WDR20: variants seen among roughly 807,000 people sequenced by gnomAD.
WDR20 encodes WD repeat-containing protein 20.
A neutral mutation model predicts 38.7 loss-of-function variants in WDR20; 3 were observed. The ratio of observed to expected loss-of-function variants is 0.08; its 90% confidence interval spans 0.04 to 0.20. The LOEUF is 0.20. Among genes scored for constraint, WDR20 ranks in the 10% least tolerant of loss-of-function variants. The pLI, the probability that WDR20 is intolerant of heterozygous loss-of-function variation, is 1.00. For missense variants in WDR20, 559 were observed against 727.7 expected (o/e 0.77, Z 2.67); for synonymous variants, 298 against 285.6 (o/e 1.04, Z -0.44).
chr14:102,195,248 G>A, intron 2 of WDR20, 128 bp downstream of exon 2: 1 of 951,124 alleles, frequency 1.1e-6, no homozygotes, highest in Non-Finnish European at 1.5e-6. Flanking sequence ...CTCCTACCTA[G>A]TATGCCCAAG....
downstream of WDR20, among the ~76,000 whole-genome samples, chr14:102,216,256 G>A (rs1352627222): frequency 6.6e-6 from 1 of 152,178 alleles, no homozygotes; most frequent in African/African-American, 2.4e-5. Context: ...CGGCCTCCTG[G>A]GGCCTACGAC....
At chr14:102,160,090 C>T (rs934218521) in intron 1 of WDR20, among the ~76,000 whole-genome samples, 2 of 152,096 alleles carry the variant, frequency 1.3e-5, no homozygotes, top group Non-Finnish European at 2.9e-5. Context: ...AGTAACAGAG[C>T]GAAACCCTGT....
chr14:102,154,039 C>T (rs892977293), intron 1 of WDR20, among the ~76,000 whole-genome samples: 16 of 152,150 alleles, frequency 1.1e-4, no homozygotes, highest in Non-Finnish European at 1.5e-4. Flanking sequence ...TGTGGTAGCA[C>T]GCACCTGTAG....
At chr14:102,218,867 C>G (rs913868705), downstream of WDR20, among the ~76,000 whole-genome samples, 1 of 152,206 alleles carries the variant, frequency 6.6e-6, no homozygotes, top group African/African-American at 2.4e-5. Context: ...GGTGCACAGC[C>G]CAGCAGCTCC....
intron 1 of WDR20, among the ~76,000 whole-genome samples, chr14:102,142,774 C>CTGTTTT (rs1193456475): frequency 2.0e-4 from 17 of 85,020 alleles, no homozygotes; most frequent in African/African-American, 5.2e-4. Context: ...GCTGTTTTGA[C>CTGTTTT]TTTTTTTTTT....
intron 1 of WDR20, among the ~76,000 whole-genome samples, chr14:102,145,515 T>C (rs975897111): frequency 1.1e-4 from 16 of 152,148 alleles, no homozygotes; most frequent in African/African-American, 3.9e-4. Flanking sequence ...CTAACACTTT[T>C]GGGAGGCCAA....
At chr14:102,215,406 A>C (rs1597107760), downstream of WDR20, among the ~76,000 whole-genome samples, 1 of 152,112 alleles carries the variant, frequency 6.6e-6, no homozygotes, top group Non-Finnish European at 1.5e-5. Flanking sequence ...CTGTCCAGCC[A>C]CCCAGCCAGC....
At chr14:102,181,050 A>ATTTAAAGTGCCACTCCAGCT (rs2063263670) in intron 1 of WDR20, among the ~76,000 whole-genome samples, 2 of 152,182 alleles carry the variant, frequency 1.3e-5, no homozygotes, top group African/African-American at 4.8e-5. Context: ...AAAGCTTTGA[A>ATTTAAAGTGCCACTCCAGCT]TTATCAAGAG....
At chr14:102,169,345 CCTGA>C (rs1183715963) in intron 1 of WDR20, among the ~76,000 whole-genome samples, 2 of 152,210 alleles carry the variant, frequency 1.3e-5, no homozygotes, top group African/African-American at 2.4e-5. Context: ...ACTCCCCTTT[CCTGA>C]CTGATTGTTC....
At chr14:102,164,008 A>C (rs1161297227) in intron 1 of WDR20, among the ~76,000 whole-genome samples, 1 of 152,208 alleles carries the variant, frequency 6.6e-6, no homozygotes, top group Non-Finnish European at 1.5e-5. Context: ...TAATTTAAAA[A>C]TGATGGCTGT....
At chr14:102,216,517 C>A (rs2063239387), downstream of WDR20, among the ~76,000 whole-genome samples, 1 of 152,152 alleles carries the variant, frequency 6.6e-6, no homozygotes, top group African/African-American at 2.4e-5. Flanking sequence ...CAGGCTAGCA[C>A]TGAGTAGATT....
intron 1 of WDR20, among the ~76,000 whole-genome samples, chr14:102,194,711 A>G (rs1476068204): frequency 6.6e-6 from 1 of 152,250 alleles, no homozygotes; most frequent in African/African-American, 2.4e-5. Context: ...AAGTTGTGAA[A>G]GTAACAGTTG....
At chr14:102,202,986 C>T (rs1378749305) in intron 2 of WDR20, among the ~76,000 whole-genome samples, 1 of 152,226 alleles carries the variant, frequency 6.6e-6, no homozygotes, top group Admixed American at 6.5e-5. Flanking sequence ...TTCCATCTTG[C>T]CCTCCACCCA....
chr14:102,202,672 G>A (rs912481684), intron 2 of WDR20, among the ~76,000 whole-genome samples: 6 of 151,940 alleles, frequency 3.9e-5, no homozygotes, highest in Non-Finnish European at 5.9e-5. Flanking sequence ...GAGCCACTGC[G>A]CCGGGCCTGT....
At chr14:102,180,619 G>A (rs1460295373) in intron 1 of WDR20, among the ~76,000 whole-genome samples, 65 of 152,196 alleles carry the variant, frequency 4.3e-4, no homozygotes, top group Admixed American at 4.1e-3. Context: ...GAAAAGTGGG[G>A]ACGTTGTGTT....
downstream of WDR20, among the ~76,000 whole-genome samples, chr14:102,219,783 C>T (rs1295430347): frequency 6.6e-6 from 1 of 152,230 alleles, no homozygotes. Flanking sequence ...GGGCTGCCAT[C>T]AAAAGGGCGA....
At chr14:102,214,733 CA>C (rs1207210656), downstream of WDR20, 3 of 980,118 alleles carry the variant, frequency 3.1e-6, no homozygotes, top group African/African-American at 5.2e-5. Flanking sequence ...AATTTCTTGA[CA>C]ACTTGAATAA....
chr14:102,199,440 G>A (rs1234228433), intron 2 of WDR20, among the ~76,000 whole-genome samples: 2 of 151,984 alleles, frequency 1.3e-5, no homozygotes, highest in Non-Finnish European at 2.9e-5. Context: ...GATACCAACC[G>A]TTTTGAAATA....
At chr14:102,193,772 CA>C (rs1422610335) in intron 1 of WDR20, among the ~76,000 whole-genome samples, 3 of 152,072 alleles carry the variant, frequency 2.0e-5, no homozygotes, top group African/African-American at 4.8e-5. Context: ...AGGGGGCGGT[CA>C]GTAGAGAACT....
Sources: gnomAD v4.1 joint callset for allele counts (sites outside exome capture counted in the v4.1 genomes callset) on GRCh38, gnomAD v4.1.1 for gene constraint, MANE v1.5 for transcripts, NCBI Gene and HGNC (gene_info 2026-07-23, HGNC 2026-07-21) for gene names.